FGF13: variants seen among roughly 807,000 people sequenced by gnomAD.
The protein encoded by FGF13 is fibroblast growth factor homologous factor 2.
FGF13 carries 2 observed loss-of-function variants against 19.5 expected under a neutral mutation model. The observed-to-expected ratio is 0.10, with a 90% CI of 0.04 to 0.32. The LOEUF (loss-of-function observed/expected upper bound fraction) is 0.32, where lower values mean the gene tolerates loss of function less well. Ranked by LOEUF, FGF13 falls within the 10% of genes least tolerant of loss-of-function variation. The pLI is 1.00. For synonymous variants in FGF13, 72 were observed against 76.9 expected (o/e 0.94, Z 0.33); for missense variants, 113 against 192.7 (o/e 0.59, Z 2.45).
exon 1 of FGF13, chrX:138,739,288 C>A: frequency 8.4e-7 from 1 of 1,197,467 alleles, no homozygotes; most frequent in Non-Finnish European, 1.1e-6. Context: ...ATAAGCTGGT[C>A]CTACCCAGAC....
chrX:138,672,595 G>C (rs1448463297), intron 3 of FGF13, among the ~76,000 whole-genome samples: 2 of 112,039 alleles, frequency 1.8e-5, no homozygotes, highest in Admixed American at 1.9e-4. Flanking sequence ...TTTGGGACTT[G>C]TTAACCGAAA....
At chrX:138,907,336 G>A (rs1465119237) in intron 1 of FGF13, among the ~76,000 whole-genome samples, 1 of 111,823 alleles carries the variant, frequency 8.9e-6, no homozygotes, top group African/African-American at 3.3e-5. Context: ...ATCTCTGCTA[G>A]CTCCCCCTCC....
At chrX:139,059,474 G>T (rs1474877489) in intron 1 of FGF13, among the ~76,000 whole-genome samples, 2 of 109,905 alleles carry the variant, frequency 1.8e-5, no homozygotes, top group African/African-American at 6.6e-5. Flanking sequence ...AGTAAAAAAG[G>T]CCAGGAGGAC....
At chrX:139,194,683 G>A (rs1385134013) in intron 1 of FGF13, among the ~76,000 whole-genome samples, 2 of 111,408 alleles carry the variant, frequency 1.8e-5, no homozygotes, top group African/African-American at 6.5e-5. Flanking sequence ...GGAGGAGGGC[G>A]CGCCTCCCTG....
chrX:139,093,599 C>A (rs1046933347), intron 1 of FGF13, among the ~76,000 whole-genome samples: 1 of 111,458 alleles, frequency 9.0e-6, no homozygotes. Flanking sequence ...AGATGTGATC[C>A]CAGAATCTAC....
Position 138,623,552 on chromosome X carries a change from C to T in FGF13, c.*9298G>A, listed in dbSNP as rs2089031315. ...CTTTGGGAGGCCGAGGAAGGTGGAT[C>T]ACCTGAGGTCAGGAGTTTGAGACTA... On this transcript the variant is annotated 3_prime_UTR_variant, in exon 5 of 5. Transcript: ENST00000315930. 1 of 111,503 alleles carries T rather than the reference C, an allele frequency of 9.0e-6. No individual in the cohort carries two copies. The highest frequency in any genetic ancestry group is 3.3e-5 in the African/African-American group (1 of 30,688). The allele number at this position is 111,503 out of a possible 1,213,427, so 9.2% of individuals were successfully genotyped here.
intron 3 of FGF13, among the ~76,000 whole-genome samples, chrX:138,700,543 A>G (rs1460557551): frequency 9.0e-6 from 1 of 111,432 alleles, no homozygotes; most frequent in Non-Finnish European, 1.9e-5. Context: ...AAATAAGATG[A>G]CAACAAAATG....
rs766131883 is a variant in FGF13 at position 139,150,411 on chromosome X, T to C, written c.-113+53005A>G. On this transcript the variant is annotated intron_variant, in intron 1 of 2. Transcript: ENST00000421460. ...CTAAAACTTTTCAAATTAAAACTGC[T>C]TTGCTATCTAAATGGCAAATGGTCA... is the stretch of plus-strand genomic sequence containing the variant. 6.2e-5 allele frequency among the ~76,000 whole-genome samples: 7 copies of C among 112,511 alleles called. 1 individual carries two copies. The highest frequency in any genetic ancestry group is 2.8e-4 in the Admixed American group (3 of 10,623).
intron 3 of FGF13, among the ~76,000 whole-genome samples, chrX:138,693,426 A>C (rs1029804467): frequency 4.5e-5 from 5 of 111,885 alleles, no homozygotes; most frequent in Non-Finnish European, 9.4e-5. Flanking sequence ...GGTAATAAAT[A>C]AAATTTGCTT....
At chrX:138,823,624 C>T (rs149905098) in intron 3 of FGF13, among the ~76,000 whole-genome samples, 2,072 of 111,811 alleles carry the variant, frequency 0.019, 28 homozygotes, top group Middle Eastern at 0.056. Flanking sequence ...AAGCAAGGGG[C>T]ACCTTGAATC....
chrX:138,804,873 A>G (rs1602882063), intron 3 of FGF13, among the ~76,000 whole-genome samples: 1 of 112,221 alleles, frequency 8.9e-6, no homozygotes, highest in Non-Finnish European at 1.9e-5. Context: ...TATTAGAAAC[A>G]GATTCTTTAC....
chrX:138,893,258 G>A (rs906213791), intron 1 of FGF13, among the ~76,000 whole-genome samples: 3 of 111,372 alleles, frequency 2.7e-5, no homozygotes, highest in Non-Finnish European at 5.7e-5. Context: ...TTTGCTTTTT[G>A]AGATATCCTT....
chrX:138,908,962 C>T (rs2091573450), intron 1 of FGF13, among the ~76,000 whole-genome samples: 1 of 112,156 alleles, frequency 8.9e-6, no homozygotes. Context: ...TTGAATCACA[C>T]TATGAAATGG....
chrX:138,884,500 A>T (rs1264661641), intron 1 of FGF13, among the ~76,000 whole-genome samples: 1 of 112,531 alleles, frequency 8.9e-6, no homozygotes, highest in East Asian at 2.8e-4. Context: ...TGCCCAAACT[A>T]GTGAGAAGTG....
At chrX:139,003,625 G>T (rs112829912) in intron 1 of FGF13, among the ~76,000 whole-genome samples, 3 of 10,801 alleles carry the variant, frequency 2.8e-4, no homozygotes, top group African/African-American at 5.9e-4. Context: ...GTTAGATACA[G>T]AGTTTCCACA....
chrX:138,835,138 G>C (rs925030349), intron 3 of FGF13, among the ~76,000 whole-genome samples: 1 of 111,642 alleles, frequency 9.0e-6, no homozygotes, highest in Non-Finnish European at 1.9e-5. Context: ...CTATTGTTTT[G>C]AGTTGGAGAG....
chrX:138,623,301 A>C lies in FGF13; in HGVS notation c.*9549T>G. ...TGTCCTTGTCTGGAATGGTATGAGA[A>C]TAATGCTGGCTTCATAAAATGAGTT... On this transcript the variant is annotated 3_prime_UTR_variant, in exon 5 of 5. Coordinates refer to ENST00000315930, the MANE Select transcript of FGF13 (RefSeq NM_004114.5). 9.0e-6 allele frequency: 1 copy of C among 111,553 alleles called. No individual in the cohort carries two copies. The highest frequency in any genetic ancestry group is 2.9e-4 in the East Asian group (1 of 3,410). The allele number at this position is 111,553 out of a possible 1,213,427, so 9.2% of individuals were successfully genotyped here.
chrX:139,122,622 C>A (rs1046289067), intron 1 of FGF13, among the ~76,000 whole-genome samples: 3 of 111,944 alleles, frequency 2.7e-5, no homozygotes, highest in Middle Eastern at 4.6e-3. Context: ...CCTTCTTATT[C>A]TCCTCTAAGG....
intron 1 of FGF13, among the ~76,000 whole-genome samples, chrX:139,137,603 G>A (rs773113385): frequency 8.9e-6 from 1 of 112,064 alleles, no homozygotes; most frequent in South Asian, 3.7e-4. Flanking sequence ...CTAGTGATGA[G>A]TAGTTGGAAA....
Sources: allele counts gnomAD v4.1 joint callset (sites outside exome capture counted in the v4.1 genomes callset), GRCh38; gene constraint gnomAD v4.1.1; transcripts MANE v1.5; gene names NCBI Gene and HGNC (gene_info 2026-07-23, HGNC 2026-07-21).